The following MACROD2 variants were observed in gnomAD, a reference collection of about 807,000 sequenced individuals.
MACROD2 encodes the protein ADP-ribose glycohydrolase MACROD2.
In MACROD2, 36 loss-of-function variants were observed where a neutral mutation model predicts 70.4. The observed-to-expected ratio is 0.51, with a 90% CI of 0.39 to 0.68. MACROD2 has a LOEUF of 0.68. Among genes scored for constraint, MACROD2 ranks in the 30% least tolerant of loss-of-function variants. The pLI is 0.00. For missense variants in MACROD2, 496 were observed against 538.4 expected (o/e 0.92, Z 0.78); for synonymous variants, 172 against 178.8 (o/e 0.96, Z 0.30).
intron 3 of MACROD2, among the ~76,000 whole-genome samples, chr20:14,245,227 G>A (rs948167029): frequency 6.6e-6 from 1 of 152,068 alleles, no homozygotes; most frequent in Non-Finnish European, 1.5e-5. Context: ...GCCGGGCGTG[G>A]TGGCGGGCAC....
At position 14,670,418 on chromosome 20, in the gene MACROD2, C is replaced by G. The variant is rs80230104; in HGVS notation, c.302-14425C>G. Among the ~76,000 whole-genome samples the G allele has an allele frequency of 1.6e-4, 25 of 152,282 alleles. 2 individuals carry two copies. The East Asian group carries it at 4.8e-3, about 29-fold the overall frequency. Reference sequence around the variant, plus strand: ...GGCACATTCTAGGTTTTTCCAGCTGCCATTTCTTCTTTAGTGGTGTGGTCA... The same window carrying G: ...GGCACATTCTAGGTTTTTCCAGCTGGCATTTCTTCTTTAGTGGTGTGGTCA... On this transcript the variant is annotated intron_variant, in intron 4 of 17. Transcript: ENST00000684519.
At chr20:14,980,759 T>C (rs1312903897) in intron 5 of MACROD2, among the ~76,000 whole-genome samples, 2 of 152,090 alleles carry the variant, frequency 1.3e-5, no homozygotes, top group African/African-American at 4.8e-5. Flanking sequence ...AAGCATCAAG[T>C]TTAGCACCTA....
intron 3 of MACROD2, among the ~76,000 whole-genome samples, chr20:14,126,006 T>A (rs961361995): frequency 3.9e-5 from 6 of 152,202 alleles, no homozygotes; most frequent in African/African-American, 1.4e-4. Flanking sequence ...ATACCCCTTT[T>A]TCCCTTCAGG....
chr20:15,014,298 T>A (rs1479473758), intron 5 of MACROD2, among the ~76,000 whole-genome samples: 1 of 152,140 alleles, frequency 6.6e-6, no homozygotes, highest in African/African-American at 2.4e-5. Context: ...AAATGTAGAG[T>A]ACGGCGAGAA....
intron 5 of MACROD2, among the ~76,000 whole-genome samples, chr20:15,217,584 C>T (rs2076821906): frequency 1.3e-5 from 2 of 152,036 alleles, no homozygotes; most frequent in East Asian, 1.9e-4. Context: ...TATTTTCCTA[C>T]TCATACCAAA....
At position 14,851,816 on chromosome 20, in the gene MACROD2, A is replaced by G. The variant is rs148205254; in HGVS notation, c.418+166857A>G. Among the ~76,000 whole-genome samples, 492 of 152,308 alleles carry G rather than the reference A, an allele frequency of 3.2e-3. 2 individuals carry two copies. Among genetic ancestry groups the G allele is most frequent in the African/African-American group, 0.011 (468 of 41,554 alleles). ...AATTATTCCCATTTCACAGAAAACA[A>G]AACAGTGTCATAAAGCAGCACATCT... On this transcript the variant is annotated intron_variant, in intron 5 of 17. Transcript: ENST00000684519.
At chr20:15,663,724 A>G (rs752042537) in intron 8 of MACROD2, among the ~76,000 whole-genome samples, 1 of 152,200 alleles carries the variant, frequency 6.6e-6, no homozygotes, top group South Asian at 2.1e-4. Flanking sequence ...AAACAAAGGC[A>G]TATCTTATCC....
intron 2 of MACROD2, among the ~76,000 whole-genome samples, chr20:14,005,666 G>A (rs919100701): frequency 2.0e-5 from 3 of 151,818 alleles, no homozygotes; most frequent in Admixed American, 6.6e-5. Flanking sequence ...GCAGTGGCGC[G>A]ATGTGGGCTC....
At chr20:14,560,417 A>C (rs1477758959) in intron 4 of MACROD2, among the ~76,000 whole-genome samples, 3 of 151,786 alleles carry the variant, frequency 2.0e-5, no homozygotes, top group African/African-American at 7.2e-5. Flanking sequence ...TAGAATATTC[A>C]GATACAGACA....
intron 10 of MACROD2, among the ~76,000 whole-genome samples, chr20:15,906,900 G>T (rs571444140): frequency 1.3e-5 from 2 of 152,140 alleles, no homozygotes; most frequent in Non-Finnish European, 2.9e-5. Context: ...ATATTCACTC[G>T]CTTTGATTAC....
At chr20:15,629,470 A>G (rs1038203152) in intron 8 of MACROD2, among the ~76,000 whole-genome samples, 3 of 152,190 alleles carry the variant, frequency 2.0e-5, no homozygotes, top group Non-Finnish European at 2.9e-5. Flanking sequence ...AATACGTGGG[A>G]TATTTCTCTT....
intron 3 of MACROD2, among the ~76,000 whole-genome samples, chr20:14,300,645 G>T (rs2082466761): frequency 6.6e-6 from 1 of 152,186 alleles, no homozygotes; most frequent in Non-Finnish European, 1.5e-5. Flanking sequence ...TACCTCAAAG[G>T]CTGATTCAGC....
chr20:15,371,130 T>C (rs1307445364), intron 6 of MACROD2, among the ~76,000 whole-genome samples: 1 of 152,082 alleles, frequency 6.6e-6, no homozygotes, highest in African/African-American at 2.4e-5. Context: ...TCACTGAAAA[T>C]AGAACAAAAC....
chr20:15,957,942 A>G lies in MACROD2; in HGVS notation c.908-9611A>G, dbSNP rs1186752941. On this transcript the variant is annotated intron_variant, in intron 12 of 17. Coordinates refer to ENST00000684519, the MANE Select transcript of MACROD2 (RefSeq NM_001351661.2). ...TGTTCCACACAGAAGGACTAACCCAAAGTTTTTGCTGGTTCTATTTGCAAT... is the reference window on the plus strand; with the variant it reads ...TGTTCCACACAGAAGGACTAACCCAGAGTTTTTGCTGGTTCTATTTGCAAT... Among the ~76,000 whole-genome samples, 3 of 152,178 alleles carry G rather than the reference A, an allele frequency of 2.0e-5. No individual in the cohort carries two copies. In the South Asian group the frequency reaches 6.2e-4, roughly 31 times the overall value.
intron 8 of MACROD2, among the ~76,000 whole-genome samples, chr20:15,576,990 A>G (rs2048457190): frequency 6.6e-6 from 1 of 152,176 alleles, no homozygotes; most frequent in South Asian, 2.1e-4. Context: ...TCTGAAGGGA[A>G]ACACTTCATA....
chr20:15,551,446 T>C (rs1487040119), intron 8 of MACROD2, among the ~76,000 whole-genome samples: 1 of 152,122 alleles, frequency 6.6e-6, no homozygotes, highest in African/African-American at 2.4e-5. Context: ...ATAACTTTAG[T>C]GGACTTTCAG....
intron 5 of MACROD2, among the ~76,000 whole-genome samples, chr20:14,796,603 T>C (rs1397198827): frequency 2.0e-5 from 3 of 152,036 alleles, no homozygotes; most frequent in Non-Finnish European, 2.9e-5. Context: ...GAGTACAGCA[T>C]TTATTTTTTC....
chr20:15,129,971 A>T (rs2076093486), intron 5 of MACROD2, among the ~76,000 whole-genome samples: 2 of 152,084 alleles, frequency 1.3e-5, no homozygotes, highest in Admixed American at 6.6e-5. Context: ...GATGATCCAC[A>T]TCTGTTCTTC....
chr20:14,990,107 A>C (rs1411693153), intron 5 of MACROD2, among the ~76,000 whole-genome samples: 2 of 152,078 alleles, frequency 1.3e-5, no homozygotes, highest in Non-Finnish European at 2.9e-5. Flanking sequence ...CACTGAATAC[A>C]TCAGCTGGCC....
Sources: allele counts gnomAD v4.1 joint callset (sites outside exome capture counted in the v4.1 genomes callset), GRCh38; gene constraint gnomAD v4.1.1; transcripts MANE v1.5; gene names NCBI Gene and HGNC (gene_info 2026-07-23, HGNC 2026-07-21).